NFXL1: variants seen among roughly 807,000 people sequenced by gnomAD.
NFXL1 encodes the protein nuclear transcription factor, X-box binding like 1.
A neutral mutation model predicts 123.3 loss-of-function variants in NFXL1; 66 were observed. The observed-to-expected ratio is 0.54, with a 90% CI of 0.44 to 0.66. NFXL1 has a LOEUF of 0.66. Among genes scored for constraint, NFXL1 ranks in the 30% least tolerant of loss-of-function variants. The pLI is 0.00. For missense variants in NFXL1, 944 were observed against 1,125.6 expected, an observed-to-expected ratio of 0.84 and a Z score of 2.31; for synonymous variants, 346 against 360.8, an observed-to-expected ratio of 0.96 and a Z score of 0.46.
In NFXL1 at chr4:47,905,455, A is replaced by G. The variant is rs1386527224; in HGVS notation, c.407-109T>C. On this transcript the variant is annotated intron_variant, in intron 3 of 22. Transcript: ENST00000507489. ...AACTGTCTAGCAATATCAATTGCTCAAAATATAGCTGTAAAACAAGAAGTT... is the reference window on the plus strand; with the variant it reads ...AACTGTCTAGCAATATCAATTGCTCGAAATATAGCTGTAAAACAAGAAGTT... 5 of 529,456 alleles carry G rather than the reference A, an allele frequency of 9.4e-6. No individual in the cohort carries two copies. The African/African-American group carries it at 9.7e-5, about 10-fold the overall frequency. 32.8% of individuals were successfully genotyped at this position (529,456 alleles called of 1,614,324 possible).
Position 47,848,845 on chromosome 4 carries a change from C to T in NFXL1, c.2563-509G>A, listed in dbSNP as rs1410795013. On this transcript the variant is annotated intron_variant, in intron 22 of 22. Transcript: ENST00000507489. ...CAGAGCTTGCAGTGAGCCGAGATGG[C>T]GCCACTGTACTCCAGCCTGGGCAAC... 2.6e-5 allele frequency among the ~76,000 whole-genome samples: 4 copies of T among 152,038 alleles called. No homozygotes were observed. In the East Asian group the frequency reaches 7.7e-4, roughly 29 times the overall value.
intron 15 of NFXL1, among the ~76,000 whole-genome samples, chr4:47,879,847 T>C (rs1025674768): frequency 3.3e-5 from 5 of 152,106 alleles, no homozygotes; most frequent in Non-Finnish European, 7.4e-5. Context: ...CAATAAATGA[T>C]TCATGCTGGA....
intron 2 of NFXL1, 70 bp downstream of exon 2, chr4:47,913,899 G>A (rs774658173): frequency 2.0e-5 from 20 of 1,019,512 alleles, no homozygotes; most frequent in Non-Finnish European, 2.5e-5. Flanking sequence ...AGGCGAGGGC[G>A]GAGGCGGTCC....
At chr4:47,888,136 TGGTGG>T (rs1736554998) in intron 12 of NFXL1, among the ~76,000 whole-genome samples, 4 of 152,098 alleles carry the variant, frequency 2.6e-5, no homozygotes, top group African/African-American at 7.2e-5. Flanking sequence ...TAGCTGGACA[TGGTGG>T]CATATGCCTG....
chr4:47,869,007 GC>G (rs1735271740), intron 18 of NFXL1, among the ~76,000 whole-genome samples: 1 of 152,116 alleles, frequency 6.6e-6, no homozygotes, highest in East Asian at 1.9e-4. Context: ...GGTCTCTTGA[GC>G]CCAGGTGTTT....
chr4:47,878,594 A>G lies in NFXL1; in HGVS notation c.2010T>C (p.Cys670=), dbSNP rs774479175. The change falls in exon 17 of 23, where the codon TGT becomes TGC. Residue 670 remains cysteine, a synonymous_variant. Coordinates refer to ENST00000507489, the MANE Select transcript of NFXL1 (RefSeq NM_001278624.2). Reference sequence around the variant, plus strand: ...ATTCTTTCATACATGTGTGATTCTGACAATCCAAGATTCTTCCACAAACTC... The same window carrying G: ...ATTCTTTCATACATGTGTGATTCTGGCAATCCAAGATTCTTCCACAAACTC... ...CKRVCGRILD[C]QNHTCMKECH... The G allele has an allele frequency of 1.1e-5, 18 of 1,608,706 alleles. No homozygotes were observed. Among genetic ancestry groups the G allele is most frequent in the Non-Finnish European group, 1.4e-5 (17 of 1,177,104 alleles).
chr4:47,901,548 A>G (rs1291911050), intron 5 of NFXL1, among the ~76,000 whole-genome samples: 1 of 152,166 alleles, frequency 6.6e-6, no homozygotes, highest in African/African-American at 2.4e-5. Context: ...TTCCTCCACC[A>G]CCAGTAAATA....
At chr4:47,878,221 TAAG>T (rs925332324) in intron 17 of NFXL1, among the ~76,000 whole-genome samples, 3 of 152,008 alleles carry the variant, frequency 2.0e-5, no homozygotes, top group African/African-American at 7.2e-5. Flanking sequence ...ACTTACTATC[TAAG>T]AAGATACATA....
At chr4:47,896,459 CAAT>C in intron 10 of NFXL1, 61 bp downstream of exon 10, 2 of 1,307,688 alleles carry the variant, frequency 1.5e-6, no homozygotes, top group Non-Finnish European at 2.2e-6. Context: ...AACCACAGGA[CAAT>C]CTCATTTGAT....
At chr4:47,907,352 T>C (rs1737610749) in intron 3 of NFXL1, among the ~76,000 whole-genome samples, 1 of 152,216 alleles carries the variant, frequency 6.6e-6, no homozygotes, top group Non-Finnish European at 1.5e-5. Context: ...AAAACTGTAG[T>C]GCTATTAAGA....
In NFXL1 at chr4:47,875,146, T is replaced by C; in HGVS notation, c.2227A>G (p.Ser743Gly). The part of the protein sequence containing the change: ...LRIKCHCKIT[S>G]LYVECRKITT... ...ACTTACCTACATTCCACATACAGGC[T>C]TGTGATCTTACAGTGACATTTTATT... The change falls in exon 18 of 23, where the codon AGC (serine) becomes GGC (glycine). Residue 743 changes from serine to glycine, a missense_variant. Physicochemically the swap from Ser to Gly is moderately conservative, Grantham distance 56. This residue lies in a region of NFXL1 where 301 missense variants were observed against 348.0 expected (regional missense o/e 0.86). Coordinates refer to ENST00000507489, the MANE Select transcript of NFXL1 (RefSeq NM_001278624.2). The C allele has an allele frequency of 6.2e-7, 1 of 1,611,136 alleles. No individual in the cohort carries two copies. The highest frequency in any genetic ancestry group is 8.5e-7 in the Non-Finnish European group (1 of 1,177,552).
At chr4:47,878,427 G>T in intron 17 of NFXL1, 98 bp downstream of exon 17, 1 of 927,448 alleles carries the variant, frequency 1.1e-6, no homozygotes, top group Non-Finnish European at 1.6e-6. Context: ...AAAGAGACAG[G>T]AAGCTAAAGC....
intron 17 of NFXL1, 105 bp downstream of exon 17, chr4:47,878,420 G>C: frequency 1.2e-6 from 1 of 861,666 alleles, no homozygotes; most frequent in Non-Finnish European, 1.7e-6. Flanking sequence ...GGCAAAAAAA[G>C]AGACAGGAAG....
chr4:47,878,343 G>C (rs1350950858), intron 17 of NFXL1, among the ~76,000 whole-genome samples, 182 bp downstream of exon 17: 1 of 151,896 alleles, frequency 6.6e-6, no homozygotes, highest in Non-Finnish European at 1.5e-5. Flanking sequence ...TAAAGACACA[G>C]AACTATACAC....
chr4:47,914,604 T>C (rs1578049328), upstream of NFXL1: 1 of 170,804 alleles, frequency 5.9e-6, no homozygotes, highest in Non-Finnish European at 1.2e-5. Context: ...GAAAGCTACG[T>C]CTCCTTACCG....
chr4:47,884,470 G>A (rs762165199), intron 14 of NFXL1, 33 bp from the exon 15 acceptor site: 2 of 1,342,874 alleles, frequency 1.5e-6, no homozygotes, highest in Non-Finnish European at 2.1e-6. Flanking sequence ...TTTTAAGTCA[G>A]AGGGATTAAA....
At chr4:47,901,596 AAC>A (rs1473912019) in intron 5 of NFXL1, among the ~76,000 whole-genome samples, 2 of 152,208 alleles carry the variant, frequency 1.3e-5, no homozygotes, top group Non-Finnish European at 2.9e-5. Context: ...TGAAATGTTA[AAC>A]AGTTTCCAAA....
At chr4:47,855,478 T>C (rs1462989798) in intron 19 of NFXL1, among the ~76,000 whole-genome samples, 1 of 151,974 alleles carries the variant, frequency 6.6e-6, no homozygotes, top group Non-Finnish European at 1.5e-5. Flanking sequence ...TGTAAGCAAG[T>C]ACAGGTGATT....
chr4:47,858,378 T>C (rs1734529446), intron 19 of NFXL1, among the ~76,000 whole-genome samples: 2 of 152,218 alleles, frequency 1.3e-5, no homozygotes, highest in Admixed American at 6.5e-5. Context: ...AAACATTCCC[T>C]ATGACCAAGC....
Sources: allele counts gnomAD v4.1 joint callset (sites outside exome capture counted in the v4.1 genomes callset), GRCh38; gene constraint gnomAD v4.1.1; regional missense constraint gnomAD v4.1.1; transcripts MANE v1.5; gene names NCBI Gene and HGNC (gene_info 2026-07-23, HGNC 2026-07-21).